Variants in IBTK observed in about 807,000 individuals in gnomAD.
The protein encoded by IBTK is BTK-binding protein.
A neutral mutation model predicts 154.9 loss-of-function variants in IBTK; 83 were observed. The observed-to-expected ratio is 0.54, with a 90% CI of 0.45 to 0.64. The LOEUF (loss-of-function observed/expected upper bound fraction) is 0.64, where lower values mean the gene tolerates loss of function less well. IBTK is among the 30% of genes least tolerant of loss of function. The probability of loss-of-function intolerance (pLI) is 0.00; values close to 1 mark genes in which losing one functional copy is unlikely to be tolerated. For synonymous variants in IBTK, 515 were observed against 536.1 expected (o/e 0.96, Z 0.54); for missense variants, 1,332 against 1,584.6 (o/e 0.84, Z 2.71).
chr6:82,180,519 T>C (rs1768284003), intron 26 of IBTK, among the ~76,000 whole-genome samples: 2 of 152,202 alleles, frequency 1.3e-5, no homozygotes, highest in Admixed American at 1.3e-4. Flanking sequence ...CCCAAAGTGC[T>C]AGGATTACAG....
At chr6:82,177,987 C>T (rs1357986900) in intron 26 of IBTK, among the ~76,000 whole-genome samples, 1 of 152,198 alleles carries the variant, frequency 6.6e-6, no homozygotes, top group Non-Finnish European at 1.5e-5. Flanking sequence ...AGGCCAGTAC[C>T]AGGTAGCCCA....
Position 82,200,686 on chromosome 6 carries a change from A to C in IBTK, c.2813T>G (p.Val938Gly), listed in dbSNP as rs746080226. ...RKMIPAMDRR[V>G]ITPYQDGPDI... ...TGGTCCATCTTGATATGGTGTAATG[A>C]CTCTTCTATCCATTGCTGGAATCTG... The change falls in exon 20 of 29, where the codon GTC becomes GGC. Residue 938 changes from valine (V) to glycine (G), a missense_variant. Val to Gly is a moderately radical substitution (Grantham distance 109). Coordinates refer to ENST00000306270, the MANE Select transcript of IBTK (RefSeq NM_015525.4). 2.5e-6 allele frequency: 4 copies of C among 1,584,974 alleles called. No individual in the cohort carries two copies. Among genetic ancestry groups the C allele is most frequent in the Non-Finnish European group, 3.4e-6 (4 of 1,171,174 alleles).
At chr6:82,219,085 TC>T (rs1183624240) in intron 9 of IBTK, among the ~76,000 whole-genome samples, 1 of 152,052 alleles carries the variant, frequency 6.6e-6, no homozygotes, top group Non-Finnish European at 1.5e-5. Flanking sequence ...TTTGTTTCCT[TC>T]CACTAGTACA....
chr6:82,219,984 C>T (rs1770034433), intron 9 of IBTK, among the ~76,000 whole-genome samples: 1 of 151,938 alleles, frequency 6.6e-6, no homozygotes, highest in Non-Finnish European at 1.5e-5. Flanking sequence ...CTGAGGAGGG[C>T]AGATCACTTG....
intron 5 of IBTK, among the ~76,000 whole-genome samples, chr6:82,226,898 G>A (rs745550324): frequency 2.7e-4 from 41 of 152,132 alleles, no homozygotes; most frequent in Non-Finnish European, 4.9e-4. Flanking sequence ...GAGCCACTGC[G>A]CCCGGCCTAG....
At chr6:82,235,217 A>G (rs1023160776) in intron 2 of IBTK, among the ~76,000 whole-genome samples, 6 of 152,118 alleles carry the variant, frequency 3.9e-5, no homozygotes, top group African/African-American at 1.4e-4. Context: ...CCATAAATAC[A>G]CTGTCCCTAC....
chr6:82,175,023 C>T (rs1366660614), intron 26 of IBTK: 1 of 456,014 alleles, frequency 2.2e-6, no homozygotes. Context: ...TATGATAAAG[C>T]ATCACACACT....
Position 82,197,849 on chromosome 6 carries a change from C to T in IBTK, c.3026-1403G>A, listed in dbSNP as rs551133403. On this transcript the variant is annotated intron_variant, in intron 21 of 28. Transcript: ENST00000306270. Reference sequence around the variant, plus strand: ...AATGCCGTTTGTCTAACTTTAAGATCGACACAGATGTTAAGCTTTTACGCA... The same window carrying T: ...AATGCCGTTTGTCTAACTTTAAGATTGACACAGATGTTAAGCTTTTACGCA... 4.6e-5 allele frequency among the ~76,000 whole-genome samples: 7 copies of T among 152,260 alleles called. No individual in the cohort carries two copies. The East Asian group carries it at 5.8e-4, about 13-fold the overall frequency.
At chr6:82,171,680 A>C in intron 28 of IBTK, 124 bp from the exon 29 acceptor site, 1 of 790,134 alleles carries the variant, frequency 1.3e-6, no homozygotes. Context: ...AGTGAAATTA[A>C]ATCAGGTATC....
At position 82,214,679 on chromosome 6, in the gene IBTK, C is replaced by T. The variant is rs1297287970; in HGVS notation, c.1752G>A (p.Val584=). ...ACAATTTCTGAAAAAAATCAGAATGCACTGCCAAAATATATTTATGTGCAG... is the reference window on the plus strand; with the variant it reads ...ACAATTTCTGAAAAAAATCAGAATGTACTGCCAAAATATATTTATGTGCAG... ...LFPAHKYILA[V]HSDFFQKLFL... Residue 584 remains valine, a synonymous_variant, in exon 12 of 29, where the codon GTG becomes GTA. Transcript: ENST00000306270. 1 of 1,614,002 alleles carries T rather than the reference C, an allele frequency of 6.2e-7. No individual in the cohort carries two copies. The highest frequency in any genetic ancestry group is 1.1e-5 in the South Asian group (1 of 91,080).
chr6:82,212,195 C>A (rs781407794), intron 13 of IBTK, among the ~76,000 whole-genome samples: 8 of 152,086 alleles, frequency 5.3e-5, no homozygotes, highest in Non-Finnish European at 1.0e-4. Flanking sequence ...CAGGATTTCA[C>A]CATGTTAATC....
At chr6:82,204,812 G>C in intron 17 of IBTK, 45 bp downstream of exon 17, 1 of 1,188,328 alleles carries the variant, frequency 8.4e-7, no homozygotes, top group South Asian at 1.5e-5. Flanking sequence ...AGTAATCCTT[G>C]ATGAACCTGA....
At chr6:82,186,913 C>CTTTT (rs138781864) in intron 25 of IBTK, among the ~76,000 whole-genome samples, 6 of 103,672 alleles carry the variant, frequency 5.8e-5, no homozygotes, top group Non-Finnish European at 9.3e-5. Context: ...TTATCAAATT[C>CTTTT]TTTTTTTTTT....
chr6:82,183,145 C>T (rs1768379494), intron 25 of IBTK, among the ~76,000 whole-genome samples: 1 of 152,238 alleles, frequency 6.6e-6, no homozygotes. Flanking sequence ...TACAGTGGCT[C>T]ATGCCTGTAA....
At chr6:82,203,426 A>G (rs547918787) in intron 17 of IBTK, among the ~76,000 whole-genome samples, 4 of 152,134 alleles carry the variant, frequency 2.6e-5, no homozygotes, top group Non-Finnish European at 5.9e-5. Flanking sequence ...GGCTTCTTGC[A>G]TTTCTTTTTC....
At chr6:82,196,076 C>T (rs1000977391) in intron 22 of IBTK, among the ~76,000 whole-genome samples, 4 of 151,976 alleles carry the variant, frequency 2.6e-5, no homozygotes, top group African/African-American at 7.3e-5. Flanking sequence ...TTTAGTTGCA[C>T]AAAGACTAGA....
intron 26 of IBTK, 122 bp downstream of exon 26, chr6:82,181,757 T>C: frequency 9.4e-6 from 6 of 639,900 alleles, no homozygotes; most frequent in African/African-American, 1.9e-5. Context: ...ATTTTAATTC[T>C]GAATGTAAAA....
chr6:82,172,482 T>C lies in IBTK; in HGVS notation c.3828A>G (p.Pro1276=), dbSNP rs774634123. ...CAAAAGTGACTGGGGCTACCATGGA[T>C]GGAGCAGTCACTGAAGAAGATAGCC... is the stretch of plus-strand genomic sequence containing the variant. ...NPWLSSSVTA[P]SMVAPVTFAS... The change falls in exon 28 of 29, where the codon CCA becomes CCG. Residue 1276 remains proline, a synonymous_variant. Transcript: ENST00000306270. 1.7e-5 allele frequency: 28 copies of C among 1,613,512 alleles called. No homozygotes were observed. The Admixed American group carries it at 4.5e-4, about 26-fold the overall frequency.
At chr6:82,210,992 A>G in intron 15 of IBTK, 82 bp from the exon 16 acceptor site, 1 of 690,952 alleles carries the variant, frequency 1.4e-6, no homozygotes, top group Non-Finnish European at 2.2e-6. Flanking sequence ...TTATTGGTAC[A>G]AAACACTCTG....
Sources: gnomAD v4.1 joint callset for allele counts (sites outside exome capture counted in the v4.1 genomes callset) on GRCh38, gnomAD v4.1.1 for gene constraint, MANE v1.5 for transcripts, NCBI Gene and HGNC (gene_info 2026-07-23, HGNC 2026-07-21) for gene names.